Variants in UBN2 observed in about 807,000 individuals in gnomAD.
UBN2 encodes ubinuclein-2.
A neutral mutation model predicts 120.2 loss-of-function variants in UBN2; 35 were observed. That is an observed-to-expected ratio of 0.29 (90% CI 0.22 to 0.39). The LOEUF is 0.39. UBN2 is among the 10% of genes least tolerant of loss of function. The pLI, the probability that UBN2 is intolerant of heterozygous loss-of-function variation, is 1.00. For missense variants in UBN2, 1,693 were observed against 1,663.2 expected (o/e 1.02, Z -0.31); for synonymous variants, 661 against 648.7 (o/e 1.02, Z -0.29).
chr7:139,297,531 C>G (rs1433344255), intron 17 of UBN2, among the ~76,000 whole-genome samples: 2 of 152,084 alleles, frequency 1.3e-5, no homozygotes, highest in African/African-American at 4.8e-5. Context: ...ATGATAAATA[C>G]TTGTTGAAAT....
intron 6 of UBN2, among the ~76,000 whole-genome samples, chr7:139,265,194 T>C (rs148450925): frequency 1.3e-4 from 20 of 152,266 alleles, no homozygotes; most frequent in African/African-American, 3.6e-4. Flanking sequence ...ATCACAACTT[T>C]TACAGATTTT....
chr7:139,312,979 T>G (rs1563237355), downstream of UBN2, among the ~76,000 whole-genome samples: 1 of 152,194 alleles, frequency 6.6e-6, no homozygotes, highest in Non-Finnish European at 1.5e-5. Flanking sequence ...ATTTTTGGGC[T>G]CTGTTCCATT....
the UBN2 span, among the ~76,000 whole-genome samples, chr7:139,322,927 A>G: frequency 2.6e-5 from 4 of 152,294 alleles, no homozygotes; most frequent in African/African-American, 9.6e-5. Context: ...CAGGACAGAA[A>G]GAAGTCACCC....
chr7:139,261,381 A>G lies in UBN2; in HGVS notation c.1035A>G (p.Lys345=). ...KDALKKESNP[K]VPVTLSTPSL... ...CATTAAAGAAGGAGTCTAACCCCAA[A>G]GTCCCAGTGACCTTGTCAACCCCTT... is the stretch of plus-strand genomic sequence containing the variant. The change falls in exon 6 of 18, where the codon AAA becomes AAG. Residue 345 remains lysine, a synonymous_variant. Transcript: ENST00000473989. 6.2e-7 allele frequency: 1 copy of G among 1,614,208 alleles called. No homozygotes were observed. Among genetic ancestry groups the G allele is most frequent in the Non-Finnish European group, 8.5e-7 (1 of 1,180,036 alleles).
intron 6 of UBN2, 59 bp from the exon 7 acceptor site, chr7:139,266,274 G>C (rs906303736): frequency 1.9e-4 from 167 of 881,134 alleles, no homozygotes; most frequent in Non-Finnish European, 2.7e-4. Context: ...CGTGTCCTAA[G>C]AATGCAAAAT....
the UBN2 span, among the ~76,000 whole-genome samples, chr7:139,330,353 A>C: frequency 5.9e-5 from 9 of 152,228 alleles, no homozygotes; most frequent in African/African-American, 2.2e-4. Flanking sequence ...GTATGTTTTC[A>C]TTGTTGTGAA....
At position 139,235,180 on chromosome 7, in the gene UBN2, T is replaced by A. The variant is rs747949914; in HGVS notation, c.469-1825T>A. 7.4e-4 allele frequency among the ~76,000 whole-genome samples: 112 copies of A among 152,274 alleles called. 1 individual carries two copies. The highest frequency in any genetic ancestry group is 1.3e-3 in the Non-Finnish European group (87 of 68,006). On this transcript the variant is annotated intron_variant, in intron 1 of 17. Transcript: ENST00000473989. ...AGATCCATGTGTTTATATTTATACA[T>A]ATAAAATGAGTCATACCATAGTAAG... is the stretch of plus-strand genomic sequence containing the variant.
At chr7:139,276,168 G>C in intron 12 of UBN2, 21 bp downstream of exon 12, 2 of 1,610,720 alleles carry the variant, frequency 1.2e-6, no homozygotes, top group East Asian at 2.2e-5. Context: ...GCAGACTCCA[G>C]ATTGCTTCAT....
rs773590131 is a variant in UBN2, at chr7:139,261,403, C to G, written c.1057C>G (p.Pro353Ala). 11 of 1,614,148 alleles carry G rather than the reference C, an allele frequency of 6.8e-6. No individual in the cohort carries two copies. The South Asian group carries it at 8.8e-5, about 13-fold the overall frequency. ...CAAAGTCCCAGTGACCTTGTCAACC[C>G]CTTCTCTGAATAAACCCCCATGTGC... ...NPKVPVTLST[P>A]SLNKPPCAAA... The change falls in exon 6 of 18, where the codon CCT (proline) becomes GCT (alanine). Residue 353 changes from proline (P) to alanine (A), a missense_variant. This residue lies in a region of UBN2 where 663 missense variants were observed against 591.2 expected (regional missense o/e 1.12). Coordinates refer to ENST00000473989, the MANE Select transcript of UBN2 (RefSeq NM_173569.4).
rs930173763 is a variant in UBN2 at position 139,301,475 on chromosome 7, C to T, written c.*3639C>T. On this transcript the variant is annotated 3_prime_UTR_variant, in exon 18 of 18. Transcript: ENST00000473989. ...CGTCCTTTGGGATCATCTCTTAGAA[C>T]TCCAGTGATCTATCATATTTGCTGC... 3.9e-5 allele frequency: 6 copies of T among 152,286 alleles called. No homozygotes were observed. Among genetic ancestry groups the T allele is most frequent in the Admixed American group, 2.0e-4 (3 of 15,294 alleles). 9.4% of individuals were successfully genotyped at this position (152,286 alleles called of 1,614,324 possible). A position where few individuals can be genotyped will look rare whatever the true frequency, so the allele number is the denominator to read the frequency against.
the UBN2 span, among the ~76,000 whole-genome samples, chr7:139,321,766 A>C: frequency 6.6e-6 from 1 of 152,088 alleles, no homozygotes. Context: ...GACTCAACTC[A>C]TGGAGTGAAA....
At chr7:139,286,487 T>G (rs1797792400) in intron 15 of UBN2, among the ~76,000 whole-genome samples, 1 of 152,184 alleles carries the variant, frequency 6.6e-6, no homozygotes. Flanking sequence ...TTCTTTAACT[T>G]TTTTCCCCTG....
chr7:139,233,859 A>G (rs1229506578), intron 1 of UBN2, among the ~76,000 whole-genome samples: 2 of 152,196 alleles, frequency 1.3e-5, no homozygotes, highest in East Asian at 3.9e-4. Context: ...GCAATAGGAG[A>G]AAGAGGAAAA....
intron 1 of UBN2, 98 bp downstream of exon 1, chr7:139,232,050 T>C (rs1796034822): frequency 8.0e-7 from 1 of 1,248,918 alleles, no homozygotes; most frequent in Non-Finnish European, 1.1e-6. Context: ...ACCGAGCGCG[T>C]CCGGGTCGCC....
At chr7:139,251,583 C>T (rs569534817) in intron 2 of UBN2, among the ~76,000 whole-genome samples, 1 of 152,132 alleles carries the variant, frequency 6.6e-6, no homozygotes, top group African/African-American at 2.4e-5. Context: ...TTGGTTTTGT[C>T]TGATGGTTTT....
chr7:139,231,455 G>A lies in UBN2; in HGVS notation c.-30G>A. On this transcript the variant is annotated 5_prime_UTR_variant, in exon 1 of 18. Transcript: ENST00000473989. ...GCGCCGTAGAAGCGAGCGCCGGCTC[G>A]AGCAAAAGCGGAGGGCCAGAACAGT... is the stretch of plus-strand genomic sequence containing the variant. 7.7e-7 allele frequency: 1 copy of A among 1,297,922 alleles called. No individual in the cohort carries two copies. Among genetic ancestry groups the A allele is most frequent in the Non-Finnish European group, 9.8e-7 (1 of 1,016,904 alleles). 80.4% of individuals were successfully genotyped at this position (1,297,922 alleles called of 1,614,324 possible). A position where few individuals can be genotyped will look rare whatever the true frequency, so the allele number is the denominator to read the frequency against.
intron 8 of UBN2, among the ~76,000 whole-genome samples, chr7:139,270,391 C>G (rs1797237109): frequency 6.6e-6 from 1 of 151,572 alleles, no homozygotes; most frequent in Non-Finnish European, 1.5e-5. Flanking sequence ...GTCTCAGCCT[C>G]CCGAGTAGCT....
downstream of UBN2, among the ~76,000 whole-genome samples, chr7:139,310,247 A>G (rs1350455750): frequency 6.6e-6 from 1 of 151,954 alleles, no homozygotes. Flanking sequence ...GGATCACTTG[A>G]GCCCAGGAGG....
the UBN2 span, among the ~76,000 whole-genome samples, chr7:139,320,855 C>CAAA: frequency 1.1e-5 from 1 of 90,322 alleles, no homozygotes; most frequent in Non-Finnish European, 2.4e-5. Flanking sequence ...GACTCCGTCT[C>CAAA]AAAAAAAAAA....
Sources: allele counts gnomAD v4.1 joint callset (sites outside exome capture counted in the v4.1 genomes callset), GRCh38; gene constraint gnomAD v4.1.1; regional missense constraint gnomAD v4.1.1; transcripts MANE v1.5; gene names NCBI Gene and HGNC (gene_info 2026-07-23, HGNC 2026-07-21).